The following ZSCAN31 variants were observed in gnomAD, a reference collection of about 807,000 sequenced individuals.
ZSCAN31 encodes zinc finger and SCAN domain containing 31.
A neutral mutation model predicts 22.5 loss-of-function variants in ZSCAN31; 14 were observed. The observed-to-expected ratio is 0.62, with a 90% CI of 0.41 to 0.97. ZSCAN31 has a LOEUF of 0.97. Among genes scored for constraint, ZSCAN31 ranks in the 50% least tolerant of loss-of-function variants. The pLI, the probability that ZSCAN31 is intolerant of heterozygous loss-of-function variation, is 0.00. For synonymous variants in ZSCAN31, 168 were observed against 169.8 expected, an observed-to-expected ratio of 0.99 and a Z score of 0.08; for missense variants, 424 against 483.4, an observed-to-expected ratio of 0.88 and a Z score of 1.15.
chr6:28,350,414 T>G (rs759618796), intron 2 of ZSCAN31: 3 of 152,192 alleles, frequency 2.0e-5, no homozygotes, highest in Non-Finnish European at 4.4e-5. Flanking sequence ...TTTAAATTAT[T>G]CTGTGGTACT....
chr6:28,345,658 C>G (rs1383536747), intron 2 of ZSCAN31, among the ~76,000 whole-genome samples: 2 of 152,120 alleles, frequency 1.3e-5, no homozygotes, highest in East Asian at 3.8e-4. Context: ...TACTATTATC[C>G]AAGAACATAC....
At chr6:28,353,973 ATTTT>A (rs1765242200) in intron 1 of ZSCAN31, 1 of 454,548 alleles carries the variant, frequency 2.2e-6, no homozygotes, top group Admixed American at 2.3e-5. Flanking sequence ...GTAAAATATG[ATTTT>A]ATTCAGCAGC....
intron 2 of ZSCAN31, among the ~76,000 whole-genome samples, chr6:28,348,175 G>A (rs1229901562): frequency 1.3e-5 from 2 of 151,764 alleles, no homozygotes; most frequent in Non-Finnish European, 2.9e-5. Context: ...TAATTTAATT[G>A]TCTTTACCAT....
rs529495555 is a variant in ZSCAN31, at chr6:28,330,668, G to A, written c.-95-890C>T. Among the ~76,000 whole-genome samples the A allele has an allele frequency of 6.6e-5, 10 of 152,284 alleles. No individual in the cohort carries two copies. In the South Asian group the frequency reaches 2.1e-3, roughly 32 times the overall value. ...AAGCATTTTGGATAAGGGATATTCAGTCTGTAGAAGTGATTTAAAAGCCTG... is the reference window on the plus strand; with the variant it reads ...AAGCATTTTGGATAAGGGATATTCAATCTGTAGAAGTGATTTAAAAGCCTG... On this transcript the variant is annotated intron_variant, in intron 1 of 3. Coordinates refer to ENST00000344279, the MANE Select transcript of ZSCAN31 (RefSeq NM_030899.5).
Position 28,333,969 on chromosome 6 carries a change from G to A in ZSCAN31, c.-96+2113C>T, listed in dbSNP as rs544501998. 3.3e-5 allele frequency among the ~76,000 whole-genome samples: 5 copies of A among 152,156 alleles called. No homozygotes were observed. The highest frequency in any genetic ancestry group is 1.2e-4 in the African/African-American group (5 of 41,514). ...GAAAGCAAGAGTAGAAGCAGAAGAGGCAAGAGTTAAAAAAAAGGGTAAAGT... is the reference window on the plus strand; with the variant it reads ...GAAAGCAAGAGTAGAAGCAGAAGAGACAAGAGTTAAAAAAAAGGGTAAAGT... On this transcript the variant is annotated intron_variant, in intron 1 of 3. Transcript: ENST00000344279. The surrounding 1 kb of genome is among the most constrained non-coding windows in gnomAD (Gnocchi z 4.1).
chr6:28,346,589 T>G (rs1764655639), intron 2 of ZSCAN31, among the ~76,000 whole-genome samples: 1 of 152,078 alleles, frequency 6.6e-6, no homozygotes, highest in Non-Finnish European at 1.5e-5. Context: ...ACTCCTGACC[T>G]CAAGTGATCC....
rs375814029 is a variant in ZSCAN31, at chr6:28,329,664, T to C, written c.20A>G (p.Gln7Arg). 1.4e-5 allele frequency: 22 copies of C among 1,612,770 alleles called. No individual in the cohort carries two copies. The highest frequency in any genetic ancestry group is 1.8e-5 in the Non-Finnish European group (21 of 1,179,254). The change falls in exon 2 of 4, where the codon CAG (glutamine) becomes CGG (arginine). Residue 7 changes from glutamine (Q) to arginine (R), a missense_variant. Physicochemically the swap from Gln to Arg is conservative, Grantham distance 43. Transcript: ENST00000344279. ...CACTTTCACAATCTTAAGATCGTAC[T>C]GTTCCTCTGTTGAAGCCATTCCTGG... is the stretch of plus-strand genomic sequence containing the variant. Reference protein sequence around the residue: MASTEEQYDLKIVKVEE... With the variant: MASTEERYDLKIVKVEE...
chr6:28,356,039 C>G (rs1765397548), upstream of ZSCAN31: 1 of 152,344 alleles, frequency 6.6e-6, no homozygotes, highest in African/African-American at 2.4e-5. Context: ...GTTTCACTTT[C>G]ACTGACCAGC....
At chr6:28,343,282 C>T (rs1178489961) in intron 2 of ZSCAN31, among the ~76,000 whole-genome samples, 1 of 152,036 alleles carries the variant, frequency 6.6e-6, no homozygotes, top group Non-Finnish European at 1.5e-5. Flanking sequence ...AAACTGCTAC[C>T]CATTCCCCAG....
At chr6:28,344,418 C>T (rs1471588684) in intron 2 of ZSCAN31, among the ~76,000 whole-genome samples, 1 of 152,138 alleles carries the variant, frequency 6.6e-6, no homozygotes, top group Non-Finnish European at 1.5e-5. Context: ...TGGACATGTG[C>T]AGGACTAGAG....
At chr6:28,327,268 A>T in intron 3 of ZSCAN31, 115 bp downstream of exon 3, 1 of 1,240,722 alleles carries the variant, frequency 8.1e-7, no homozygotes, top group Non-Finnish European at 1.1e-6. Flanking sequence ...CAGAACTATT[A>T]AATGCAGCGT....
chr6:28,352,964 CTTTT>C (rs5875156), intron 2 of ZSCAN31, among the ~76,000 whole-genome samples: 3 of 129,886 alleles, frequency 2.3e-5, no homozygotes, highest in Non-Finnish European at 3.2e-5. Flanking sequence ...TTTTCTTTTT[CTTTT>C]TTTTTTTTTT....
At chr6:28,327,055 G>T (rs534126442) in intron 3 of ZSCAN31, among the ~76,000 whole-genome samples, 7 of 152,284 alleles carry the variant, frequency 4.6e-5, no homozygotes, top group Admixed American at 2.6e-4. Context: ...TGGCTGGAGG[G>T]AGCACCCAGA....
chr6:28,353,830 A>G (rs1033349662), intron 2 of ZSCAN31: 1 of 457,000 alleles, frequency 2.2e-6, no homozygotes, highest in Non-Finnish European at 4.4e-6. Flanking sequence ...CCAGTGAATT[A>G]TACTATTAGC....
rs1764691967 is a variant in ZSCAN31, at chr6:28,347,570, GT to G, written c.-370-5779del. 6.6e-6 allele frequency among the ~76,000 whole-genome samples: 1 copy of G among 151,892 alleles called. No homozygotes were observed. Among genetic ancestry groups the G allele is most frequent in the African/African-American group, 2.4e-5 (1 of 41,398 alleles). On this transcript the variant is annotated intron_variant, in intron 2 of 7. Coordinates refer to the ZSCAN31 transcript ENST00000396838. The surrounding 1 kb of genome is among the most constrained non-coding windows in gnomAD (Gnocchi z 5.2). ...TTTATTCTGCTTAATTCTTTTGTTT[GT>G]TTTTGTTTATTATTATTATTTTTTT...
chr6:28,329,193 G>A (rs1329223558), intron 2 of ZSCAN31, 110 bp downstream of exon 2: 1 of 1,336,608 alleles, frequency 7.5e-7, no homozygotes, highest in East Asian at 2.3e-5. Context: ...GGGGTAATTT[G>A]TTACACAACA....
rs577397327 is a variant in ZSCAN31 at position 28,347,296 on chromosome 6, A to G, written c.-370-5504T>C. On this transcript the variant is annotated intron_variant, in intron 2 of 7. Transcript: ENST00000396838. This position sits in a 1 kb window ranked among gnomAD's most constrained non-coding sequence, Gnocchi z 5.2. ...TCTCTTGTTCACTCCACCTCAGCCA[A>G]TCTGGCTCCCTTGCTGTTTCCTCTA... Among the ~76,000 whole-genome samples, 14 of 152,270 alleles carry G rather than the reference A, an allele frequency of 9.2e-5. 1 individual carries two copies. The highest frequency in any genetic ancestry group is 6.2e-4 in the South Asian group (3 of 4,828).
intron 2 of ZSCAN31, among the ~76,000 whole-genome samples, chr6:28,350,915 T>C (rs1263748579): frequency 6.6e-6 from 1 of 152,092 alleles, no homozygotes; most frequent in Non-Finnish European, 1.5e-5. Flanking sequence ...GGAGGAACAA[T>C]AGAAGTTTTT....
In ZSCAN31 at chr6:28,351,983, T is replaced by G. The variant is rs550740501; in HGVS notation, c.-371+1879A>C. ...ATAATTGTCTCAAATATTTCTAGAG[T>G]TTTTTTTTTTTACAGTCTTTTTACA... On this transcript the variant is annotated intron_variant, in intron 2 of 7. Transcript: ENST00000396838. This position sits in a 1 kb window ranked among gnomAD's most constrained non-coding sequence, Gnocchi z 4.6. 7.2e-4 allele frequency among the ~76,000 whole-genome samples: 85 copies of G among 118,134 alleles called. 1 individual carries two copies. Among genetic ancestry groups the G allele is most frequent in the Non-Finnish European group, 1.3e-3 (75 of 58,178 alleles). 77.5% of individuals were successfully genotyped at this position (118,134 alleles called of 152,430 possible).
Sources: allele counts gnomAD v4.1 joint callset (sites outside exome capture counted in the v4.1 genomes callset), GRCh38; gene constraint gnomAD v4.1.1; non-coding constraint Gnocchi (gnomAD v3.1); transcripts MANE v1.5; gene names NCBI Gene and HGNC (gene_info 2026-07-23, HGNC 2026-07-21).